Variants in RNF220 observed in about 807,000 individuals in gnomAD.
RNF220 encodes ring finger protein 220, also known as E3 ubiquitin-protein ligase RNF220.
Under a neutral mutation model 67.1 loss-of-function variants are expected in RNF220, and 7 were observed. That is an observed-to-expected ratio of 0.10 (90% CI 0.06 to 0.20). The LOEUF is 0.20. RNF220 is among the 10% of genes least tolerant of loss of function. RNF220 has a pLI of 1.00. For missense variants in RNF220, 565 were observed against 740.3 expected, an observed-to-expected ratio of 0.76 and a Z score of 2.75; for synonymous variants, 270 against 283.2, an observed-to-expected ratio of 0.95 and a Z score of 0.47.
chr1:44,650,417 C>T lies in RNF220; in HGVS notation c.1630-287C>T, dbSNP rs1195947524. ...TGGGCTCTGTGTCCTGATCAAAGGC[C>T]GCGTGTAATCTCGTTAGGGCTGCGG... On this transcript the variant is annotated intron_variant, in intron 14 of 14. Coordinates refer to ENST00000361799, the MANE Select transcript of RNF220 (RefSeq NM_018150.4). The surrounding 1 kb of genome is among the most constrained non-coding windows in gnomAD (Gnocchi z 4.3). 1.9e-6 allele frequency: 1 copy of T among 521,566 alleles called. No homozygotes were observed. Among genetic ancestry groups the T allele is most frequent in the South Asian group, 2.3e-5 (1 of 44,338 alleles). The allele number at this position is 521,566 out of a possible 1,614,324, so 32.3% of individuals were successfully genotyped here.
chr1:44,589,272 G>C (rs947206309), intron 2 of RNF220, among the ~76,000 whole-genome samples: 3 of 152,134 alleles, frequency 2.0e-5, no homozygotes, highest in Non-Finnish European at 4.4e-5. Context: ...AAGTCACCAT[G>C]TTTCCCTGAG....
chr1:44,416,333 T>C (rs1326970649), intron 2 of RNF220, among the ~76,000 whole-genome samples: 1 of 152,262 alleles, frequency 6.6e-6, no homozygotes, highest in Non-Finnish European at 1.5e-5. Context: ...GTGCTTTACA[T>C]ATGAAATGTC....
chr1:44,467,287 C>T (rs943994493), intron 2 of RNF220, among the ~76,000 whole-genome samples: 1 of 152,256 alleles, frequency 6.6e-6, no homozygotes, highest in East Asian at 1.9e-4. Context: ...TCTCAGCTCA[C>T]TGCAACCTCC....
At chr1:44,543,768 A>G (rs892814144) in intron 2 of RNF220, among the ~76,000 whole-genome samples, 1 of 152,154 alleles carries the variant, frequency 6.6e-6, no homozygotes, top group African/African-American at 2.4e-5. Context: ...AAAGCTGGGT[A>G]TCTGGCTGTG....
At chr1:44,514,248 G>A (rs577988445) in intron 2 of RNF220, among the ~76,000 whole-genome samples, 1 of 152,336 alleles carries the variant, frequency 6.6e-6, no homozygotes, top group African/African-American at 2.4e-5. Flanking sequence ...TGCAGGATTT[G>A]TTAAATGAGC....
Position 44,606,854 on chromosome 1 carries a change from C to G in RNF220, c.626-7311C>G, listed in dbSNP as rs754415070. 7.9e-5 allele frequency among the ~76,000 whole-genome samples: 12 copies of G among 152,190 alleles called. No homozygotes were observed. The highest frequency in any genetic ancestry group is 1.8e-4 in the Non-Finnish European group (12 of 68,042). On this transcript the variant is annotated intron_variant, in intron 2 of 14. Coordinates refer to ENST00000361799, the MANE Select transcript of RNF220 (RefSeq NM_018150.4). This position sits in a 1 kb window ranked among gnomAD's most constrained non-coding sequence, Gnocchi z 4.2. ...GAGCTTCGGTGCTCTATGTCAATGTCTCCCGGGTCTAGAACTCTAGCTCTG... is the reference window on the plus strand; with the variant it reads ...GAGCTTCGGTGCTCTATGTCAATGTGTCCCGGGTCTAGAACTCTAGCTCTG...
At chr1:44,609,264 A>G (rs1035475971) in intron 2 of RNF220, among the ~76,000 whole-genome samples, 59 of 151,974 alleles carry the variant, frequency 3.9e-4, no homozygotes, top group African/African-American at 1.4e-3. Flanking sequence ...CCTCACCCTC[A>G]TTTCAACCCT....
Position 44,449,942 on chromosome 1 carries a change from T to C in RNF220, c.625+37220T>C, listed in dbSNP as rs533428876. ...AGAAAAATTTCTGAGCTGGGCGCAG[T>C]GGCTCACGCCTGTAATCCCAGCACT... On this transcript the variant is annotated intron_variant, in intron 2 of 14. Coordinates refer to ENST00000361799, the MANE Select transcript of RNF220 (RefSeq NM_018150.4). Among the ~76,000 whole-genome samples the C allele has an allele frequency of 8.1e-4, 124 of 152,352 alleles. 2 individuals are homozygous for C. Among genetic ancestry groups the C allele is most frequent in the South Asian group, 3.7e-3 (18 of 4,832 alleles).
At chr1:44,494,989 G>A (rs888339310) in intron 2 of RNF220, among the ~76,000 whole-genome samples, 1 of 152,182 alleles carries the variant, frequency 6.6e-6, no homozygotes, top group Non-Finnish European at 1.5e-5. Flanking sequence ...GAGGCAGGAG[G>A]ATTGCTTGAG....
intron 2 of RNF220, among the ~76,000 whole-genome samples, chr1:44,471,139 T>A (rs1654767796): frequency 6.6e-6 from 1 of 152,112 alleles, no homozygotes; most frequent in African/African-American, 2.4e-5. Context: ...AGTGTACAAG[T>A]CATTGGCTGA....
chr1:44,559,428 G>A (rs777930262), intron 2 of RNF220, among the ~76,000 whole-genome samples: 8 of 152,256 alleles, frequency 5.3e-5, no homozygotes, highest in East Asian at 1.9e-4. Context: ...GAGCAAACCC[G>A]CAATGAAGTC....
At chr1:44,496,916 C>G (rs1346416954) in intron 2 of RNF220, among the ~76,000 whole-genome samples, 2 of 152,194 alleles carry the variant, frequency 1.3e-5, no homozygotes, top group African/African-American at 4.8e-5. Context: ...GCACCTCCAC[C>G]TTCTTGTGGT....
chr1:44,529,160 T>C (rs1660636509), intron 2 of RNF220, among the ~76,000 whole-genome samples: 3 of 152,188 alleles, frequency 2.0e-5, no homozygotes, highest in Non-Finnish European at 4.4e-5. Flanking sequence ...CATTTCAGTA[T>C]TATTTATAGC....
intron 2 of RNF220, among the ~76,000 whole-genome samples, chr1:44,530,550 A>G (rs1198063898): frequency 1.3e-5 from 2 of 151,220 alleles, no homozygotes; most frequent in Admixed American, 6.6e-5. Context: ...AAAAAAAAGC[A>G]TAAAAAGAAT....
chr1:44,440,100 A>G (rs763718264), intron 2 of RNF220, among the ~76,000 whole-genome samples: 5 of 152,236 alleles, frequency 3.3e-5, no homozygotes, highest in African/African-American at 7.2e-5. Context: ...GTCTAGAACT[A>G]TAAGTCATGG....
chr1:44,625,862 C>A (rs1278492850), intron 4 of RNF220, among the ~76,000 whole-genome samples: 1 of 152,060 alleles, frequency 6.6e-6, no homozygotes, highest in Non-Finnish European at 1.5e-5. Flanking sequence ...GGGAAACTCA[C>A]ATGCTATTTA....
At chr1:44,612,651 C>T (rs539113242) in intron 2 of RNF220, among the ~76,000 whole-genome samples, 9 of 152,006 alleles carry the variant, frequency 5.9e-5, no homozygotes, top group Admixed American at 2.6e-4. Flanking sequence ...TATGGGACAT[C>T]CAGGTAAATT....
intron 2 of RNF220, among the ~76,000 whole-genome samples, chr1:44,454,531 G>C (rs1349461259): frequency 6.6e-6 from 1 of 151,516 alleles, no homozygotes; most frequent in Non-Finnish European, 1.5e-5. Flanking sequence ...ATTTGCCTTG[G>C]GTTTAACTAT....
At chr1:44,552,563 C>CTTTTTTTTTTTTTTTTTT (rs368891059) in intron 2 of RNF220, among the ~76,000 whole-genome samples, 2 of 71,330 alleles carry the variant, frequency 2.8e-5, no homozygotes, top group Non-Finnish European at 5.3e-5. Flanking sequence ...TTCTAAACTT[C>CTTTTTTTTTTTTTTTTTT]TTCTTTTTTT....
Sources: gnomAD v4.1 joint callset for allele counts (sites outside exome capture counted in the v4.1 genomes callset) on GRCh38, gnomAD v4.1.1 for gene constraint, Gnocchi (gnomAD v3.1) non-coding constraint, MANE v1.5 for transcripts, NCBI Gene and HGNC (gene_info 2026-07-23, HGNC 2026-07-21) for gene names.